LAT2: variants seen among roughly 807,000 people sequenced by gnomAD.
The protein encoded by LAT2 is linker for activation of T cells family member 2.
In LAT2, 23 loss-of-function variants were observed where a neutral mutation model predicts 43.4. The observed-to-expected ratio is 0.53, with a 90% CI of 0.38 to 0.75. The LOEUF is 0.75. LAT2 is among the 30% of genes least tolerant of loss of function. LAT2 has a pLI of 0.00. For synonymous variants in LAT2, 128 were observed against 123.2 expected, an observed-to-expected ratio of 1.04 and a Z score of -0.26; for missense variants, 284 against 310.2, an observed-to-expected ratio of 0.92 and a Z score of 0.64.
rs1051028953 is a variant in LAT2 at position 74,216,919 on chromosome 7, G to A, written c.134+55G>A. ...GTATTCATGTGCCCTGGGCATGGAC[G>A]TCCTCAAGGGAATTCCTAGCACCCC... On this transcript the variant is annotated intron_variant, in intron 4 of 13. Coordinates refer to ENST00000460943, the MANE Select transcript of LAT2 (RefSeq NM_032464.3). The A allele has an allele frequency of 3.3e-5, 49 of 1,474,834 alleles. No individual in the cohort carries two copies. The African/African-American group carries it at 4.0e-4, about 12-fold the overall frequency. The allele number at this position is 1,474,834 out of a possible 1,614,324, so 91.4% of individuals were successfully genotyped here.
In LAT2 at chr7:74,211,337, C is replaced by T. The variant is rs150644267; in HGVS notation, c.-219+1249C>T. Among the ~76,000 whole-genome samples the T allele has an allele frequency of 8.7e-3, 1,319 of 152,242 alleles. 10 individuals are homozygous for T. The highest frequency in any genetic ancestry group is 0.03 in the African/African-American group (1,226 of 41,540). ...TGTTGTCCAGGCTGGAGTGCAGTGG[C>T]GTGATCTCGGCTCACTGCAACCTCC... On this transcript the variant is annotated intron_variant, in intron 1 of 13. Transcript: ENST00000460943.
chr7:74,219,009 C>CTTTTTTTTTT lies in LAT2; in HGVS notation c.135-706_135-697dup, dbSNP rs781806954. Among the ~76,000 whole-genome samples, 4 of 48,804 alleles carry CTTTTTTTTTT rather than the reference C, an allele frequency of 8.2e-5. 1 individual carries two copies. Among genetic ancestry groups the CTTTTTTTTTT allele is most frequent in the African/African-American group, 2.9e-4 (4 of 13,922 alleles). The allele number at this position is 48,804 out of a possible 152,430, so 32.0% of individuals were successfully genotyped here. Reference sequence around the variant, plus strand: ...CACCATGCCGGGTCTAGAGTGTGTGCTTTTTTTTTTTTTTTTTTTTTTTTT... The same window carrying CTTTTTTTTTT: ...CACCATGCCGGGTCTAGAGTGTGTGCTTTTTTTTTTTTTTTTTTTTTTTTTTTTTTTTTTT... On this transcript the variant is annotated intron_variant, in intron 4 of 13. Transcript: ENST00000460943.
chr7:74,211,134 C>A (rs1208539692), intron 1 of LAT2, among the ~76,000 whole-genome samples: 1 of 152,134 alleles, frequency 6.6e-6, no homozygotes, highest in Admixed American at 6.5e-5. Context: ...CCACTCCCCA[C>A]CCCGCCCAGC....
chr7:74,224,957 G>A (rs1337985152), intron 13 of LAT2, 197 bp downstream of exon 13: 40 of 461,742 alleles, frequency 8.7e-5, no homozygotes, highest in Non-Finnish European at 1.4e-4. Context: ...GTCAGGCAGG[G>A]AATTCTGGTG....
rs781910969 is a variant in LAT2, at chr7:74,219,807, CGGGTTGGGCTCT to C, written c.178+29_178+40del. 1.9e-5 allele frequency: 30 copies of C among 1,613,762 alleles called. No individual in the cohort carries two copies. Among genetic ancestry groups the C allele is most frequent in the African/African-American group, 2.7e-5 (2 of 74,900 alleles). On this transcript the variant is annotated intron_variant, in intron 5 of 13. Transcript: ENST00000460943. ...ACTCCTGTGAGTCTCCAAGTGTCCC[CGGGTTGGGCTCT>C]GGGTTGGGGGTGTCCCTATCAAGTT...
chr7:74,214,525 AATATATATATGAATATATATATAT>A, intron 1 of LAT2, among the ~76,000 whole-genome samples: 1 of 11,278 alleles, frequency 8.9e-5, no homozygotes, highest in Non-Finnish European at 1.3e-4. Context: ...AATATATATA[AATATATATATGAATATATATATAT>A]ATATATGAAA....
Position 74,220,210 on chromosome 7 carries a change from C to T in LAT2, c.228-7C>T. 1 of 1,606,976 alleles carries T rather than the reference C, an allele frequency of 6.2e-7. No homozygotes were observed. The highest frequency in any genetic ancestry group is 8.5e-7 in the Non-Finnish European group (1 of 1,175,816). ...TCCTTTAACTCCCTCCTTCCCCCTCCCTGCAGGAAGGACAAGCTGTTGCAA... is the reference window on the plus strand; with the variant it reads ...TCCTTTAACTCCCTCCTTCCCCCTCTCTGCAGGAAGGACAAGCTGTTGCAA... On this transcript the variant is annotated splice_region_variant and splice_polypyrimidine_tract_variant and intron_variant, in intron 6 of 13. Coordinates refer to ENST00000460943, the MANE Select transcript of LAT2 (RefSeq NM_032464.3). This position sits in a 1 kb window ranked among gnomAD's most constrained non-coding sequence, Gnocchi z 4.5.
chr7:74,220,512 G>A lies in LAT2; in HGVS notation c.266-72G>A. 1 of 1,589,044 alleles carries A rather than the reference G, an allele frequency of 6.3e-7. No homozygotes were observed. On this transcript the variant is annotated intron_variant, in intron 7 of 13. Coordinates refer to ENST00000460943, the MANE Select transcript of LAT2 (RefSeq NM_032464.3). The surrounding 1 kb of genome is among the most constrained non-coding windows in gnomAD (Gnocchi z 4.5). ...CACGGGAAATAGCTGGCCCTGCCTT[G>A]GGCTGCAGCACCCGAGCTGGGTGCA...
At chr7:74,221,005 T>C (rs575411734) in intron 9 of LAT2, among the ~76,000 whole-genome samples, 163 of 152,174 alleles carry the variant, frequency 1.1e-3, no homozygotes, top group African/African-American at 3.6e-3. Flanking sequence ...GGGCGGGGGA[T>C]AGAGACTCAT....
intron 12 of LAT2, among the ~76,000 whole-genome samples, 199 bp from the exon 13 acceptor site, chr7:74,224,440 G>A (rs1802409046): frequency 6.6e-6 from 1 of 152,228 alleles, no homozygotes; most frequent in Non-Finnish European, 1.5e-5. Flanking sequence ...CATGCATGGA[G>A]TAACGCATTC....
chr7:74,213,073 G>GA (rs1801785047), intron 1 of LAT2, among the ~76,000 whole-genome samples: 1 of 152,152 alleles, frequency 6.6e-6, no homozygotes, highest in Admixed American at 6.6e-5. Flanking sequence ...ACCTCAGGGG[G>GA]ATCCCAAGGC....
rs538452311 is a variant in LAT2, at chr7:74,214,748, A to AAT, written c.-218-62_-218-61dup. 8 of 81,360 alleles carry AAT rather than the reference A, an allele frequency of 9.8e-5. No homozygotes were observed. The East Asian group carries it at 1.3e-3, about 14-fold the overall frequency. 5.0% of individuals were successfully genotyped at this position (81,360 alleles called of 1,614,324 possible). A position where few individuals can be genotyped will look rare whatever the true frequency, so the allele number is the denominator to read the frequency against. Reference sequence around the variant, plus strand: ...ATATAAATATATATAAAAATATATAAATATATATATATAAACATATATATA... The same window carrying AAT: ...ATATAAATATATATAAAAATATATAAATATATATATATATAAACATATATATA... On this transcript the variant is annotated intron_variant, in intron 1 of 13. Coordinates refer to ENST00000460943, the MANE Select transcript of LAT2 (RefSeq NM_032464.3).
Position 74,220,035 on chromosome 7 carries a change from C to T in LAT2, c.227+27C>T, listed in dbSNP as rs570225628. On this transcript the variant is annotated intron_variant, in intron 6 of 13. Transcript: ENST00000460943. The surrounding 1 kb of genome is among the most constrained non-coding windows in gnomAD (Gnocchi z 4.5). ...TAGGTCACAGTCCCCCAGGAAGTGA[C>T]AAGAATGAAAGTCCTGGAGGTCCTC... 69 of 1,612,048 alleles carry T rather than the reference C, an allele frequency of 4.3e-5. No homozygotes were observed. The African/African-American group carries it at 8.3e-4, about 19-fold the overall frequency.
intron 12 of LAT2, 67 bp downstream of exon 12, chr7:74,224,264 G>A: frequency 6.5e-7 from 1 of 1,536,542 alleles, no homozygotes; most frequent in Non-Finnish European, 8.9e-7. Flanking sequence ...GCCTGGAAGG[G>A]CAGGCTGAAA....
intron 4 of LAT2, among the ~76,000 whole-genome samples, chr7:74,218,998 T>C (rs1309356841): frequency 7.0e-6 from 1 of 143,380 alleles, no homozygotes; most frequent in African/African-American, 2.6e-5. Flanking sequence ...ATGCCGGGTC[T>C]AGAGTGTGTG....
At position 74,220,770 on chromosome 7, in the gene LAT2, T is replaced by C; in HGVS notation, c.332+36T>C. On this transcript the variant is annotated intron_variant, in intron 9 of 13. Transcript: ENST00000460943. This position sits in a 1 kb window ranked among gnomAD's most constrained non-coding sequence, Gnocchi z 4.5. Reference sequence around the variant, plus strand: ...TTGATCCTGTCCCCCCTGCCTCGCCTCTCCCCCTGCCCCACCTCTCCCCCT... The same window carrying C: ...TTGATCCTGTCCCCCCTGCCTCGCCCCTCCCCCTGCCCCACCTCTCCCCCT... The C allele has an allele frequency of 6.9e-7, 1 of 1,453,402 alleles. No homozygotes were observed. The highest frequency in any genetic ancestry group is 9.1e-7 in the Non-Finnish European group (1 of 1,093,296). The allele number at this position is 1,453,402 out of a possible 1,614,324, so 90.0% of individuals were successfully genotyped here. A position where few individuals can be genotyped will look rare whatever the true frequency, so the allele number is the denominator to read the frequency against.
rs371455059 is a variant in LAT2, at chr7:74,210,461, G to A, written c.-219+373G>A. 3.5e-4 allele frequency among the ~76,000 whole-genome samples: 54 copies of A among 152,272 alleles called. 1 individual carries two copies. The East Asian group carries it at 4.8e-3, about 14-fold the overall frequency. ...CCCCCTACACAGGTCAGGGGAAAAC[G>A]GTGGGATTACAGGCCAGGGCCCAGG... On this transcript the variant is annotated intron_variant, in intron 1 of 13. Coordinates refer to ENST00000460943, the MANE Select transcript of LAT2 (RefSeq NM_032464.3).
rs1554715690 is a variant in LAT2, at chr7:74,224,029, G to A, written c.460G>A (p.Glu154Lys). 1 of 1,613,922 alleles carries A rather than the reference G, an allele frequency of 6.2e-7. No individual in the cohort carries two copies. Among genetic ancestry groups the A allele is most frequent in the East Asian group, 2.2e-5 (1 of 44,876 alleles). ...CTCCCTCTCTGCAGGTGCCCAGCAG[G>A]AGGGCATAGGTGGCCTCTGCAGAGG... ...QKTTETGAQQ[E>K]GIGGLCRGDL... Residue 154 changes from glutamate (E) to lysine (K), a missense_variant, in exon 12 of 14, where the codon GAG (glutamate) becomes AAG (lysine). Physicochemically the swap from Glu to Lys is moderately conservative, Grantham distance 56. Coordinates refer to ENST00000460943, the MANE Select transcript of LAT2 (RefSeq NM_032464.3).
At chr7:74,227,970 G>A (rs1554716359) in intron 13 of LAT2, among the ~76,000 whole-genome samples, 2 of 150,344 alleles carry the variant, frequency 1.3e-5, no homozygotes, top group Non-Finnish European at 3.0e-5. Context: ...GAGGTCAGGA[G>A]TTCGAGACCA....
Sources: gnomAD v4.1 joint callset for allele counts (sites outside exome capture counted in the v4.1 genomes callset) on GRCh38, gnomAD v4.1.1 for gene constraint, Gnocchi (gnomAD v3.1) non-coding constraint, MANE v1.5 for transcripts, NCBI Gene and HGNC (gene_info 2026-07-23, HGNC 2026-07-21) for gene names.